TMEM178B: variants seen among roughly 807,000 people sequenced by gnomAD.
TMEM178B encodes transmembrane protein 178B.
In TMEM178B, 5 loss-of-function variants were observed where a neutral mutation model predicts 31.0. The observed-to-expected ratio is 0.16, with a 90% CI of 0.08 to 0.34. TMEM178B has a LOEUF of 0.34. Ranked by LOEUF, TMEM178B falls within the 10% of genes least tolerant of loss-of-function variation. The pLI is 1.00. For missense variants in TMEM178B, 275 were observed against 400.3 expected (o/e 0.69, Z 2.67); for synonymous variants, 164 against 164.0 (o/e 1.00, Z 0.00).
intron 1 of TMEM178B, among the ~76,000 whole-genome samples, chr7:141,118,513 AAGT>A (rs1348883244): frequency 7.9e-5 from 12 of 152,348 alleles, no homozygotes; most frequent in Non-Finnish European, 1.5e-4. Flanking sequence ...AGCGTATAGT[AAGT>A]GGTATACAAT....
At chr7:141,247,346 A>G (rs373966380) in intron 2 of TMEM178B, among the ~76,000 whole-genome samples, 2 of 151,956 alleles carry the variant, frequency 1.3e-5, no homozygotes, top group African/African-American at 4.8e-5. Context: ...CTGTCTCTCT[A>G]TCTATATAAG....
intron 1 of TMEM178B, among the ~76,000 whole-genome samples, chr7:141,142,608 T>C (rs897308497): frequency 7.2e-5 from 11 of 152,094 alleles, no homozygotes; most frequent in African/African-American, 2.6e-4. Flanking sequence ...GGGGTTTCAC[T>C]GTGTTAGCCA....
At chr7:141,220,167 A>T (rs1170772865) in intron 2 of TMEM178B, among the ~76,000 whole-genome samples, 2 of 150,322 alleles carry the variant, frequency 1.3e-5, no homozygotes, top group Non-Finnish European at 2.9e-5. Context: ...AAAATACAAA[A>T]ATTAGCTGGG....
intron 2 of TMEM178B, among the ~76,000 whole-genome samples, chr7:141,408,051 T>G (rs762469640): frequency 6.6e-6 from 1 of 152,232 alleles, no homozygotes; most frequent in Non-Finnish European, 1.5e-5. Context: ...GAGCCAGGAC[T>G]GACTGGGCCT....
At chr7:141,502,550 C>A in the TMEM178B span, among the ~76,000 whole-genome samples, 5 of 152,290 alleles carry the variant, frequency 3.3e-5, no homozygotes, top group South Asian at 8.3e-4. Context: ...GGCAGCTGAT[C>A]ACCTGAGGTA....
intron 2 of TMEM178B, among the ~76,000 whole-genome samples, chr7:141,240,279 CA>C (rs1371933439): frequency 6.6e-6 from 1 of 152,136 alleles, no homozygotes; most frequent in African/African-American, 2.4e-5. Flanking sequence ...GCCAATAATT[CA>C]AATTAATTAC....
At chr7:141,417,689 T>C (rs935821166) in intron 2 of TMEM178B, among the ~76,000 whole-genome samples, 3 of 152,238 alleles carry the variant, frequency 2.0e-5, no homozygotes, top group African/African-American at 7.2e-5. Context: ...CTCTCTTGTT[T>C]CACTCTCCAC....
Position 141,269,684 on chromosome 7 carries a change from C to T in TMEM178B, c.496+56980C>T, listed in dbSNP as rs141317008. Reference sequence around the variant, plus strand: ...GAAATGCAGTGACTGGCTAGACATTCATGACAGGACAGATTTCCCTAGATA... The same window carrying T: ...GAAATGCAGTGACTGGCTAGACATTTATGACAGGACAGATTTCCCTAGATA... On this transcript the variant is annotated intron_variant, in intron 2 of 3. Transcript: ENST00000565468. Among the ~76,000 whole-genome samples the T allele has an allele frequency of 2.0e-3, 300 of 152,302 alleles. 1 individual carries two copies. The highest frequency in any genetic ancestry group is 6.7e-3 in the African/African-American group (279 of 41,556).
chr7:141,414,123 A>C, intron 2 of TMEM178B, among the ~76,000 whole-genome samples: 1 of 11,354 alleles, frequency 8.8e-5, no homozygotes, highest in East Asian at 3.2e-3. Context: ...CCCGCTGTTT[A>C]GCCCAGGCCG....
the TMEM178B span, among the ~76,000 whole-genome samples, chr7:141,495,251 T>A: frequency 2.0e-5 from 3 of 152,266 alleles, no homozygotes; most frequent in Admixed American, 6.5e-5. Flanking sequence ...CCACTAGAAA[T>A]GCAGGGAGCA....
intron 1 of TMEM178B, among the ~76,000 whole-genome samples, chr7:141,111,152 G>A (rs1795228994): frequency 6.6e-6 from 1 of 152,224 alleles, no homozygotes; most frequent in Non-Finnish European, 1.5e-5. Flanking sequence ...ACATGGCTGG[G>A]AGGCCTCACA....
intron 2 of TMEM178B, among the ~76,000 whole-genome samples, chr7:141,250,935 G>A (rs1213846902): frequency 6.6e-6 from 1 of 152,114 alleles, no homozygotes; most frequent in East Asian, 1.9e-4. Flanking sequence ...CGCAACAGAA[G>A]GGCATTTCTC....
At chr7:141,363,773 C>T (rs1208706362) in intron 2 of TMEM178B, among the ~76,000 whole-genome samples, 1 of 152,056 alleles carries the variant, frequency 6.6e-6, no homozygotes, top group Admixed American at 6.6e-5. Context: ...CTCAACCTTC[C>T]TGAGGCTATT....
the TMEM178B span, among the ~76,000 whole-genome samples, chr7:141,501,674 C>A: frequency 3.9e-5 from 6 of 152,148 alleles, no homozygotes; most frequent in Non-Finnish European, 7.3e-5. Context: ...TACTTGAAAA[C>A]AGAGTGAAGT....
rs1413618507 is a variant in TMEM178B, at chr7:141,282,075, A to G, written c.496+69371A>G. On this transcript the variant is annotated intron_variant, in intron 2 of 3. Coordinates refer to ENST00000565468, the MANE Select transcript of TMEM178B (RefSeq NM_001195278.2). ...CAGTGGTTTGGGTGAACAGTGCTAC[A>G]GGTGTGAACCAGGCCAGGGCACTGG... Among the ~76,000 whole-genome samples the G allele has an allele frequency of 4.6e-5, 7 of 152,306 alleles. No individual in the cohort carries two copies. In the East Asian group the frequency reaches 1.4e-3, roughly 29 times the overall value.
chr7:141,175,161 G>A (rs1796407211), intron 1 of TMEM178B, among the ~76,000 whole-genome samples: 1 of 152,120 alleles, frequency 6.6e-6, no homozygotes, highest in South Asian at 2.1e-4. Flanking sequence ...AAGGGATCTA[G>A]TTTCAGTTTT....
chr7:141,321,706 A>G (rs1799101574), intron 2 of TMEM178B, among the ~76,000 whole-genome samples: 1 of 152,160 alleles, frequency 6.6e-6, no homozygotes, highest in South Asian at 2.1e-4. Context: ...ACAAACCTTG[A>G]GACCAGAGCA....
chr7:141,095,284 A>G (rs1794939102), intron 1 of TMEM178B, among the ~76,000 whole-genome samples: 1 of 152,180 alleles, frequency 6.6e-6, no homozygotes, highest in South Asian at 2.1e-4. Context: ...ACGGTGGGAT[A>G]CTAGTTTCCA....
At position 141,350,461 on chromosome 7, in the gene TMEM178B, T is replaced by C. The variant is rs561626169; in HGVS notation, c.497-87147T>C. On this transcript the variant is annotated intron_variant, in intron 2 of 3. Coordinates refer to ENST00000565468, the MANE Select transcript of TMEM178B (RefSeq NM_001195278.2). ...CATTATTGTCCGAAACGATACCTAG[T>C]ATGGAGAAGATAATTAATATTTGTT... Among the ~76,000 whole-genome samples the C allele has an allele frequency of 3.9e-5, 6 of 152,224 alleles. 1 individual carries two copies. The South Asian group carries it at 1.2e-3, about 32-fold the overall frequency.
Sources: allele counts gnomAD v4.1 joint callset (sites outside exome capture counted in the v4.1 genomes callset), GRCh38; gene constraint gnomAD v4.1.1; transcripts MANE v1.5; gene names NCBI Gene and HGNC (gene_info 2026-07-23, HGNC 2026-07-21).